The following NDUFS1 variants were observed in gnomAD, a reference collection of about 807,000 sequenced individuals.
The protein encoded by NDUFS1 is NADH-ubiquinone oxidoreductase 75 kDa subunit, mitochondrial.
NDUFS1 carries 61 observed loss-of-function variants against 84.4 expected under a neutral mutation model. The observed-to-expected ratio is 0.72, with a 90% confidence interval of 0.59 to 0.89. NDUFS1 has a LOEUF of 0.89. NDUFS1 is among the 40% of genes least tolerant of loss of function. The pLI is 0.00. For missense variants in NDUFS1, 891 were observed against 890.0 expected, an observed-to-expected ratio of 1.00 and a Z score of -0.01; for synonymous variants, 275 against 290.0, an observed-to-expected ratio of 0.95 and a Z score of 0.53.
In NDUFS1 at chr2:206,147,590, GTTC is replaced by G. The variant is rs751543363; in HGVS notation, c.489_491del (p.Lys163del). The G allele has an allele frequency of 1.5e-5, 24 of 1,614,014 alleles. No homozygotes were observed. The highest frequency in any genetic ancestry group is 1.8e-5 in the Non-Finnish European group (21 of 1,180,018). The stretch of plus-strand genomic sequence containing the variant: ...TGATGGTCTTTACCAATGGCCCAAT[GTTC>G]TTGTCTTCCACAGCACGCTTCCCCT... On this transcript the variant is annotated inframe_deletion, in exon 7 of 19. Coordinates refer to ENST00000233190, the MANE Select transcript of NDUFS1 (RefSeq NM_005006.7).
intron 12 of NDUFS1, among the ~76,000 whole-genome samples, chr2:206,140,646 A>G (rs1469970004): frequency 6.6e-6 from 1 of 151,528 alleles, no homozygotes; most frequent in African/African-American, 2.4e-5. Context: ...ATGCCCGGCT[A>G]ATTTTGTATT....
chr2:206,136,597 C>T (rs1399393726), intron 13 of NDUFS1, among the ~76,000 whole-genome samples: 9 of 151,260 alleles, frequency 6.0e-5, no homozygotes, highest in Non-Finnish European at 1.3e-4. Flanking sequence ...CCATACCCAG[C>T]TAATTTTTGT....
At position 206,129,887 on chromosome 2, in the gene NDUFS1, C is replaced by T. The variant is rs183978058; in HGVS notation, c.1708+201G>A. ...GATTACAGGTGTGAGCCACCGCACC[C>T]GGCAGGTAATAATTCTTAAAAGCAG... On this transcript the variant is annotated intron_variant, in intron 15 of 18. Coordinates refer to ENST00000233190, the MANE Select transcript of NDUFS1 (RefSeq NM_005006.7). Among the ~76,000 whole-genome samples the T allele has an allele frequency of 4.0e-5, 6 of 151,882 alleles. No homozygotes were observed. In the South Asian group the frequency reaches 8.3e-4, roughly 21 times the overall value.
chr2:206,129,776 C>T (rs1039504819), intron 15 of NDUFS1, among the ~76,000 whole-genome samples: 2 of 151,798 alleles, frequency 1.3e-5, no homozygotes, highest in Admixed American at 1.3e-4. Flanking sequence ...GTTTTTAGTA[C>T]AGACAGGGTT....
intron 3 of NDUFS1, among the ~76,000 whole-genome samples, chr2:206,151,994 T>C (rs1692387091): frequency 6.6e-6 from 1 of 152,052 alleles, no homozygotes; most frequent in Non-Finnish European, 1.5e-5. Flanking sequence ...GCCTCTCGAG[T>C]AGCTGGGATT....
intron 10 of NDUFS1, among the ~76,000 whole-genome samples, chr2:206,143,750 C>T (rs1265266704): frequency 6.6e-6 from 1 of 152,160 alleles, no homozygotes; most frequent in Non-Finnish European, 1.5e-5. Flanking sequence ...TATAATTACT[C>T]ATAGCTGCAT....
chr2:206,127,580 G>A (rs1441561143), intron 16 of NDUFS1: 6 of 547,994 alleles, frequency 1.1e-5, no homozygotes, highest in South Asian at 4.4e-5. Context: ...AAGAGACAGG[G>A]TCTTGCTCTG....
rs34184317 is a variant in NDUFS1, at chr2:206,149,110, G to GAA, written c.262-16_262-15dup. On this transcript the variant is annotated splice_polypyrimidine_tract_variant and intron_variant, in intron 4 of 18. Transcript: ENST00000233190. ...AGCAGCTACAACCTGGGATTTCAAT[G>GAA]AAAAAAAAAAATGTGTATTTGTATT... is the stretch of plus-strand genomic sequence containing the variant. The GAA allele has an allele frequency of 4.2e-5, 55 of 1,312,178 alleles. No homozygotes were observed. The highest frequency in any genetic ancestry group is 4.5e-5 in the Non-Finnish European group (44 of 970,552). 81.3% of individuals were successfully genotyped at this position (1,312,178 alleles called of 1,614,324 possible).
At chr2:206,140,049 A>G (rs1292581677) in intron 12 of NDUFS1, among the ~76,000 whole-genome samples, 1 of 152,144 alleles carries the variant, frequency 6.6e-6, no homozygotes, top group Non-Finnish European at 1.5e-5. Flanking sequence ...TATTGTATCA[A>G]AACTAAATTT....
rs557358490 is a variant in NDUFS1 at position 206,126,343 on chromosome 2, T to C, written c.2092+196A>G. ...TATTAATTGCTTGGATTTTCAAACT[T>C]TGCTTACATTTCAGAAACAAAAAAA... On this transcript the variant is annotated intron_variant, in intron 18 of 18. Coordinates refer to ENST00000233190, the MANE Select transcript of NDUFS1 (RefSeq NM_005006.7). 1.2e-3 allele frequency among the ~76,000 whole-genome samples: 180 copies of C among 152,318 alleles called. 1 individual carries two copies. The highest frequency in any genetic ancestry group is 4.2e-3 in the African/African-American group (175 of 41,578).
In NDUFS1 at chr2:206,119,755, A is replaced by G. The variant is rs1691044711; in HGVS notation, c.*4430T>C. On this transcript the variant is annotated 3_prime_UTR_variant, in exon 19 of 19. Coordinates refer to ENST00000233190, the MANE Select transcript of NDUFS1 (RefSeq NM_005006.7). ...TAATGTATTCATTATAATACAATTTACTACAAATTTGAGGGGGGAGGCTTT... is the reference window on the plus strand; with the variant it reads ...TAATGTATTCATTATAATACAATTTGCTACAAATTTGAGGGGGGAGGCTTT... 1 of 152,164 alleles carries G rather than the reference A, an allele frequency of 6.6e-6. No homozygotes were observed. The highest frequency in any genetic ancestry group is 2.1e-4 in the South Asian group (1 of 4,830). The allele number at this position is 152,164 out of a possible 1,614,324, so 9.4% of individuals were successfully genotyped here.
chr2:206,116,268 C>T lies in NDUFS1; in HGVS notation c.*7917G>A, dbSNP rs540243289. 6.1e-5 allele frequency: 62 copies of T among 1,020,404 alleles called. No individual in the cohort carries two copies. In the African/African-American group the frequency reaches 7.0e-4, roughly 12 times the overall value. 63.2% of individuals were successfully genotyped at this position (1,020,404 alleles called of 1,614,324 possible). A position where few individuals can be genotyped will look rare whatever the true frequency, so the allele number is the denominator to read the frequency against. Reference sequence around the variant, plus strand: ...TTTTCTGCAAGAGCTTCATTAATTTCGGTTACTTCTCCTGATAAAGGAGAA... The same window carrying T: ...TTTTCTGCAAGAGCTTCATTAATTTTGGTTACTTCTCCTGATAAAGGAGAA... On this transcript the variant is annotated 3_prime_UTR_variant, in exon 19 of 19. Coordinates refer to ENST00000233190, the MANE Select transcript of NDUFS1 (RefSeq NM_005006.7).
At chr2:206,157,841 T>C (rs577817662) in intron 1 of NDUFS1, among the ~76,000 whole-genome samples, 6 of 152,336 alleles carry the variant, frequency 3.9e-5, no homozygotes, top group African/African-American at 1.4e-4. Flanking sequence ...CTGGATACTT[T>C]TCCATATAGG....
In NDUFS1 at chr2:206,132,889, T is replaced by A. The variant is rs1055884065; in HGVS notation, c.1553+56A>T. ...AATTTAACAGTGTATCAGGAACACATACATATACACAACATTACTTGAATT... is the reference window on the plus strand; with the variant it reads ...AATTTAACAGTGTATCAGGAACACAAACATATACACAACATTACTTGAATT... On this transcript the variant is annotated intron_variant, in intron 14 of 18. Coordinates refer to ENST00000233190, the MANE Select transcript of NDUFS1 (RefSeq NM_005006.7). 3.4e-6 allele frequency: 5 copies of A among 1,469,196 alleles called. No individual in the cohort carries two copies. The South Asian group carries it at 4.6e-5, about 14-fold the overall frequency. The allele number at this position is 1,469,196 out of a possible 1,614,324, so 91.0% of individuals were successfully genotyped here.
intron 13 of NDUFS1, among the ~76,000 whole-genome samples, chr2:206,137,679 C>T (rs1340286086): frequency 2.0e-5 from 3 of 152,158 alleles, no homozygotes; most frequent in Non-Finnish European, 2.9e-5. Context: ...TCAAGGAATA[C>T]AGGCAACCAT....
chr2:206,116,075 G>A lies in NDUFS1; in HGVS notation c.*8110C>T, dbSNP rs1222370559. 1.6e-5 allele frequency: 17 copies of A among 1,046,800 alleles called. No individual in the cohort carries two copies. Among genetic ancestry groups the A allele is most frequent in the Admixed American group, 3.4e-5 (2 of 59,276 alleles). The allele number at this position is 1,046,800 out of a possible 1,614,324, so 64.8% of individuals were successfully genotyped here. A position where few individuals can be genotyped will look rare whatever the true frequency, so the allele number is the denominator to read the frequency against. On this transcript the variant is annotated 3_prime_UTR_variant, in exon 19 of 19. Coordinates refer to ENST00000233190, the MANE Select transcript of NDUFS1 (RefSeq NM_005006.7). ...ATTTAGGACAACTCTGCTGGGTTGC[G>A]TTATTTCATACTAGCTTATTTAGTG...
Position 206,116,423 on chromosome 2 carries a change from G to A in NDUFS1, c.*7762C>T. On this transcript the variant is annotated 3_prime_UTR_variant, in exon 19 of 19. Coordinates refer to ENST00000233190, the MANE Select transcript of NDUFS1 (RefSeq NM_005006.7). ...TCCCAAGCTGCCAGGGCCTCGATAG[G>A]CAGGGCGCGGCAGGTGCCAGGACCA... 6.2e-6 allele frequency: 5 copies of A among 806,002 alleles called. No homozygotes were observed. Among genetic ancestry groups the A allele is most frequent in the Non-Finnish European group, 1.0e-5 (5 of 488,664 alleles). 49.9% of individuals were successfully genotyped at this position (806,002 alleles called of 1,614,324 possible).
chr2:206,128,491 T>C (rs956021967), intron 15 of NDUFS1, among the ~76,000 whole-genome samples: 10 of 150,540 alleles, frequency 6.6e-5, no homozygotes, highest in Non-Finnish European at 1.5e-5. Flanking sequence ...GTTAAAGCAT[T>C]TGGGGGCCAG....
chr2:206,117,468 T>C lies in NDUFS1; in HGVS notation c.*6717A>G, dbSNP rs1000931587. On this transcript the variant is annotated 3_prime_UTR_variant, in exon 19 of 19. Coordinates refer to ENST00000233190, the MANE Select transcript of NDUFS1 (RefSeq NM_005006.7). ...TTTTCTTTTTGAGATGGGGTCTCGC[T>C]TTGTCGCCCATGCTAGAGCGCAGTG... The C allele has an allele frequency of 1.3e-5, 2 of 152,274 alleles. No homozygotes were observed. Among genetic ancestry groups the C allele is most frequent in the African/African-American group, 4.8e-5 (2 of 41,472 alleles). 9.4% of individuals were successfully genotyped at this position (152,274 alleles called of 1,614,324 possible).
Sources: allele counts gnomAD v4.1 joint callset (sites outside exome capture counted in the v4.1 genomes callset), GRCh38; gene constraint gnomAD v4.1.1; transcripts MANE v1.5; gene names NCBI Gene and HGNC (gene_info 2026-07-23, HGNC 2026-07-21).